Variants in MIA2 observed in about 807,000 individuals in gnomAD.
The protein encoded by MIA2 is MIA SH3 domain ER export factor 2, also known as melanoma inhibitory activity protein 2.
In MIA2, 127 loss-of-function variants were observed where a neutral mutation model predicts 167.8. The observed-to-expected ratio is 0.76, with a 90% confidence interval of 0.66 to 0.88. MIA2 has a LOEUF of 0.88. MIA2 is among the 40% of genes least tolerant of loss of function. The probability of loss-of-function intolerance (pLI) is 0.00; values close to 1 mark genes in which losing one functional copy is unlikely to be tolerated. For synonymous variants in MIA2, 552 were observed against 541.9 expected, an observed-to-expected ratio of 1.02 and a Z score of -0.26; for missense variants, 1,690 against 1,624.7, an observed-to-expected ratio of 1.04 and a Z score of -0.69.
chr14:39,347,093 A>C (rs1307415425), intron 26 of MIA2, among the ~76,000 whole-genome samples: 1 of 152,014 alleles, frequency 6.6e-6, no homozygotes, highest in Non-Finnish European at 1.5e-5. Flanking sequence ...TAAGACAAGG[A>C]CATTTATAAC....
chr14:39,311,457 G>T (rs1289215401), intron 18 of MIA2, among the ~76,000 whole-genome samples: 5 of 127,914 alleles, frequency 3.9e-5, no homozygotes, highest in East Asian at 2.7e-4. Context: ...CTAGAAGCTT[G>T]ATGTGTTGCT....
At chr14:39,356,793 C>G (rs2074539498) in intron 23 of MIA2, among the ~76,000 whole-genome samples, 1 of 152,128 alleles carries the variant, frequency 6.6e-6, no homozygotes, top group Non-Finnish European at 1.5e-5. Context: ...TTATTTCTGC[C>G]TTTATTTCGT....
At chr14:39,373,351 C>CA (rs1355563563) in intron 23 of MIA2, among the ~76,000 whole-genome samples, 1 of 137,304 alleles carries the variant, frequency 7.3e-6, no homozygotes, top group African/African-American at 2.7e-5. Context: ...AACCAGAAGA[C>CA]ATAATAGTCT....
chr14:39,344,647 A>G (rs537287227), intron 25 of MIA2, among the ~76,000 whole-genome samples: 1 of 152,292 alleles, frequency 6.6e-6, no homozygotes, highest in South Asian at 2.1e-4. Flanking sequence ...GAGGAGTGAT[A>G]TATCCAACAC....
intron 6 of MIA2, among the ~76,000 whole-genome samples, chr14:39,262,316 G>A (rs553800902): frequency 7.9e-5 from 12 of 152,210 alleles, no homozygotes; most frequent in East Asian, 1.9e-4. Context: ...GTCAAAGATC[G>A]GATGGTTGTA....
intron 23 of MIA2, among the ~76,000 whole-genome samples, chr14:39,356,472 C>G (rs989556909): frequency 6.6e-6 from 1 of 152,082 alleles, no homozygotes; most frequent in African/African-American, 2.4e-5. Flanking sequence ...TGCTAGTGGT[C>G]TATCAGTGTT....
chr14:39,326,538 A>C (rs2067583268), intron 24 of MIA2, among the ~76,000 whole-genome samples: 1 of 151,738 alleles, frequency 6.6e-6, no homozygotes, highest in African/African-American at 2.4e-5. Flanking sequence ...TTTTAAAGGA[A>C]TCATGCTCAT....
intron 23 of MIA2, among the ~76,000 whole-genome samples, chr14:39,369,078 A>T (rs1448564725): frequency 6.6e-6 from 1 of 152,106 alleles, no homozygotes; most frequent in East Asian, 1.9e-4. Context: ...ACTGGCTCAT[A>T]TTTTTTTAAA....
intron 9 of MIA2, among the ~76,000 whole-genome samples, chr14:39,288,461 A>G (rs1490517792): frequency 0.064 from 1,274 of 19,840 alleles, 189 homozygotes; most frequent in African/African-American, 0.16. Flanking sequence ...ATATATATAT[A>G]TATATATATA....
intron 21 of MIA2, 110 bp downstream of exon 21, chr14:39,315,828 G>A: frequency 1.4e-6 from 1 of 722,588 alleles, no homozygotes; most frequent in South Asian, 2.2e-5. Flanking sequence ...TAAAAAATCA[G>A]TTTCTTTTAA....
chr14:39,259,526 T>C (rs448858), intron 6 of MIA2, among the ~76,000 whole-genome samples: 4 of 151,958 alleles, frequency 2.6e-5, no homozygotes, highest in Non-Finnish European at 5.9e-5. Flanking sequence ...TCTCTCTCTC[T>C]TTCTCTTTTT....
chr14:39,251,760 A>G (rs2152635876), intron 4 of MIA2, among the ~76,000 whole-genome samples: 1 of 152,284 alleles, frequency 6.6e-6, no homozygotes, highest in East Asian at 1.9e-4. Context: ...CATCTTTTAA[A>G]CAATGATAAA....
intron 9 of MIA2, among the ~76,000 whole-genome samples, chr14:39,282,831 C>T (rs948748552): frequency 6.6e-6 from 1 of 152,188 alleles, no homozygotes; most frequent in Non-Finnish European, 1.5e-5. Context: ...CCTCAGCCTC[C>T]CAAATTGTTG....
downstream of MIA2, among the ~76,000 whole-genome samples, chr14:39,354,974 T>C (rs2074483374): frequency 6.6e-6 from 1 of 152,088 alleles, no homozygotes; most frequent in Non-Finnish European, 1.5e-5. Flanking sequence ...CCTTGTAGTA[T>C]AGTTTGAAGT....
intron 23 of MIA2, among the ~76,000 whole-genome samples, chr14:39,369,815 C>G (rs952524454): frequency 1.3e-5 from 2 of 151,818 alleles, no homozygotes; most frequent in Middle Eastern, 3.2e-3. Flanking sequence ...AAAAGTTCAA[C>G]TGAGCATTAT....
chr14:39,367,904 G>T (rs1216760291), intron 23 of MIA2, among the ~76,000 whole-genome samples: 1 of 151,856 alleles, frequency 6.6e-6, no homozygotes, highest in Non-Finnish European at 1.5e-5. Flanking sequence ...AGGAACTACT[G>T]CATATTGCTT....
intron 18 of MIA2, among the ~76,000 whole-genome samples, chr14:39,308,955 G>A (rs889205945): frequency 6.6e-6 from 1 of 152,156 alleles, no homozygotes; most frequent in Admixed American, 6.5e-5. Flanking sequence ...TGTGCAAATT[G>A]CTTCTGCCCA....
At chr14:39,297,407 T>C (rs2061577639) in intron 13 of MIA2, among the ~76,000 whole-genome samples, 1 of 152,184 alleles carries the variant, frequency 6.6e-6, no homozygotes. Flanking sequence ...AGGGTATTTC[T>C]AATTGGAGGA....
At chr14:39,348,621 G>C in intron 27 of MIA2, 122 bp from the exon 28 acceptor site, 3 of 1,371,254 alleles carry the variant, frequency 2.2e-6, no homozygotes, top group Non-Finnish European at 2.0e-6. Flanking sequence ...TCTTTCTCTA[G>C]AGCTTTCTAA....
Sources: gnomAD v4.1 joint callset for allele counts (sites outside exome capture counted in the v4.1 genomes callset) on GRCh38, gnomAD v4.1.1 for gene constraint, MANE v1.5 for transcripts, NCBI Gene and HGNC (gene_info 2026-07-23, HGNC 2026-07-21) for gene names.